The following GREB1L variants were observed in gnomAD, a reference collection of about 807,000 sequenced individuals.
GREB1L encodes GREB1-like protein.
Under a neutral mutation model 200.8 loss-of-function variants are expected in GREB1L, and 17 were observed. The ratio of observed to expected loss-of-function variants is 0.08; its 90% CI spans 0.06 to 0.13. The LOEUF (loss-of-function observed/expected upper bound fraction) is 0.13. Among genes scored for constraint, GREB1L ranks in the 10% least tolerant of loss-of-function variants. GREB1L has a pLI of 1.00. For missense variants in GREB1L, 1,657 were observed against 2,367.7 expected (o/e 0.70, Z 6.23); for synonymous variants, 789 against 893.0 (o/e 0.88, Z 2.08).
At chr18:21,333,225 C>T (rs1432606097) in intron 1 of GREB1L, among the ~76,000 whole-genome samples, 6 of 152,130 alleles carry the variant, frequency 3.9e-5, no homozygotes, top group African/African-American at 9.7e-5. Flanking sequence ...TATACACACT[C>T]GCATGCACTG....
chr18:21,467,411 TTTAA>T (rs1194320484), intron 15 of GREB1L, among the ~76,000 whole-genome samples: 2 of 152,204 alleles, frequency 1.3e-5, no homozygotes, highest in East Asian at 1.9e-4. Context: ...AGACAAATTG[TTTAA>T]TTAAGATATG....
Position 21,451,127 on chromosome 18 carries a change from T to C in GREB1L, c.1825T>C (p.Ser609Pro), listed in dbSNP as rs1005402812. The change falls in exon 13 of 33, where the codon TCA becomes CCA. Residue 609 changes from serine to proline, a missense_variant. Physicochemically the swap from Ser to Pro is moderately conservative, Grantham distance 74 (BLOSUM62 -1). Coordinates refer to ENST00000424526, the MANE Select transcript of GREB1L (RefSeq NM_001142966.3). The stretch of plus-strand genomic sequence containing the variant: ...CACAGGAAAGGTCAGTTTCCTGGCA[T>C]CACATTTCAAAACCACATCATTAGG... ...LITGKVSFLASHFKTTSLGDD... is the reference protein window; with the variant it reads ...LITGKVSFLAPHFKTTSLGDD... 3 of 1,551,740 alleles carry C rather than the reference T, an allele frequency of 1.9e-6. No homozygotes were observed. The highest frequency in any genetic ancestry group is 2.6e-6 in the Non-Finnish European group (3 of 1,146,982).
intron 25 of GREB1L, among the ~76,000 whole-genome samples, chr18:21,506,829 G>C (rs531163443): frequency 6.6e-6 from 1 of 152,276 alleles, no homozygotes; most frequent in South Asian, 2.1e-4. Flanking sequence ...GCTTCTTTTT[G>C]GCTAGTGCAT....
intron 1 of GREB1L, among the ~76,000 whole-genome samples, chr18:21,345,047 T>C (rs1247669333): frequency 2.0e-5 from 3 of 152,196 alleles, no homozygotes; most frequent in African/African-American, 7.2e-5. Context: ...AGGCTGCTCC[T>C]CTCACTTCTA....
At chr18:21,513,714 C>G in intron 27 of GREB1L, 107 bp from the exon 28 acceptor site, 1 of 1,043,362 alleles carries the variant, frequency 9.6e-7, no homozygotes, top group South Asian at 1.6e-5. Flanking sequence ...TGCATGGTTC[C>G]CATGTGAACA....
intron 1 of GREB1L, among the ~76,000 whole-genome samples, chr18:21,328,585 A>AG (rs1379032258): frequency 6.6e-6 from 1 of 152,102 alleles, no homozygotes; most frequent in Admixed American, 6.5e-5. Flanking sequence ...TCACTTGCTC[A>AG]GGGGGGTCTA....
At chr18:21,276,750 T>TA (rs906616826) in intron 1 of GREB1L, among the ~76,000 whole-genome samples, 18 of 151,598 alleles carry the variant, frequency 1.2e-4, no homozygotes, top group African/African-American at 3.6e-4. Flanking sequence ...GTCTTTCTAT[T>TA]AAAAAAAGGA....
intron 7 of GREB1L, among the ~76,000 whole-genome samples, chr18:21,415,539 AAG>A (rs1434852589): frequency 6.6e-6 from 1 of 152,016 alleles, no homozygotes; most frequent in East Asian, 1.9e-4. Context: ...GGAAGGAAGG[AAG>A]AGAGCGAGGG....
Position 21,522,804 on chromosome 18 carries a change from A to G in GREB1L, c.5755A>G (p.Thr1919Ala), listed in dbSNP as rs1430650874. 1 of 1,551,092 alleles carries G rather than the reference A, an allele frequency of 6.4e-7. No individual in the cohort carries two copies. The highest frequency in any genetic ancestry group is 2.4e-5 in the East Asian group (1 of 40,920). Residue 1919 changes from threonine (T) to alanine (A), a missense_variant, in exon 33 of 33, where the codon ACT becomes GCT. This residue lies in a region of GREB1L where 190 missense variants were observed against 230.2 expected (regional missense o/e 0.83). Transcript: ENST00000424526. Reference sequence around the variant, plus strand: ...TGATGACAAGCCTCTCTACTTTCTTACTGGACGTCATGTATGAGCTTTTGA... The same window carrying G: ...TGATGACAAGCCTCTCTACTTTCTTGCTGGACGTCATGTATGAGCTTTTGA... ...SSDDKPLYFL[T>A]GRHV is the part of the protein sequence containing the mutation.
chr18:21,367,506 T>TA (rs1261167716), intron 2 of GREB1L, among the ~76,000 whole-genome samples: 6 of 152,146 alleles, frequency 3.9e-5, no homozygotes, highest in African/African-American at 1.4e-4. Flanking sequence ...GCCGGGAACT[T>TA]ACATTAATTT....
At chr18:21,513,544 A>G (rs1358854005) in intron 27 of GREB1L, among the ~76,000 whole-genome samples, 1 of 152,194 alleles carries the variant, frequency 6.6e-6, no homozygotes, top group Non-Finnish European at 1.5e-5. Context: ...TGTGGTTCAT[A>G]CCATTTGCAT....
chr18:21,275,321 G>T (rs1243506522), intron 1 of GREB1L, among the ~76,000 whole-genome samples: 2 of 152,100 alleles, frequency 1.3e-5, no homozygotes, highest in Non-Finnish European at 2.9e-5. Context: ...GTAGGAAATA[G>T]GTTTAAATAA....
intron 25 of GREB1L, among the ~76,000 whole-genome samples, chr18:21,506,663 T>C (rs2146007304): frequency 6.6e-6 from 1 of 152,320 alleles, no homozygotes; most frequent in South Asian, 2.1e-4. Context: ...GGTGTGCCCT[T>C]TGAGCTGTGA....
At chr18:21,459,602 T>C (rs1408406417) in intron 15 of GREB1L, among the ~76,000 whole-genome samples, 1 of 152,090 alleles carries the variant, frequency 6.6e-6, no homozygotes, top group Non-Finnish European at 1.5e-5. Context: ...TCTCAGTTTC[T>C]AAAAACAGAT....
chr18:21,384,440 C>T (rs759254096), intron 4 of GREB1L, 37 bp downstream of exon 4: 51 of 1,470,132 alleles, frequency 3.5e-5, no homozygotes, highest in Non-Finnish European at 4.5e-5. Flanking sequence ...GCTATTTTGT[C>T]TCTAATATTG....
chr18:21,274,894 AT>A (rs1422135152), intron 1 of GREB1L, among the ~76,000 whole-genome samples: 3 of 151,520 alleles, frequency 2.0e-5, no homozygotes, highest in East Asian at 3.9e-4. Context: ...CTCTAAAAAA[AT>A]AATAATAATT....
intron 14 of GREB1L, 72 bp from the exon 15 acceptor site, chr18:21,454,294 C>G: frequency 1.0e-6 from 1 of 970,158 alleles, no homozygotes; most frequent in South Asian, 1.5e-5. Context: ...GGTATGTGTC[C>G]TCATAGAGAT....
At chr18:21,472,878 A>T (rs1219534597) in intron 15 of GREB1L, among the ~76,000 whole-genome samples, 153 bp from the exon 16 acceptor site, 1 of 152,194 alleles carries the variant, frequency 6.6e-6, no homozygotes, top group Non-Finnish European at 1.5e-5. Flanking sequence ...TCATACTGTG[A>T]TGGGGAACAT....
At chr18:21,430,906 A>T (rs2033098978) in intron 7 of GREB1L, among the ~76,000 whole-genome samples, 1 of 150,048 alleles carries the variant, frequency 6.7e-6, no homozygotes, top group African/African-American at 2.5e-5. Context: ...TCTTTTTTTT[A>T]ATATAGGCAT....
Sources: allele counts gnomAD v4.1 joint callset (sites outside exome capture counted in the v4.1 genomes callset), GRCh38; gene constraint gnomAD v4.1.1; regional missense constraint gnomAD v4.1.1; transcripts MANE v1.5; gene names NCBI Gene and HGNC (gene_info 2026-07-23, HGNC 2026-07-21).